The following NME7 variants were observed in gnomAD, a reference collection of about 807,000 sequenced individuals.
The protein encoded by NME7 is NME/NM23 family member 7, also known as nucleoside diphosphate kinase 7.
NME7 carries 41 observed loss-of-function variants against 49.1 expected under a neutral mutation model. The ratio of observed to expected loss-of-function variants is 0.83; its 90% CI spans 0.65 to 1.08. NME7 has a LOEUF of 1.08. NME7 is among the 50% of genes least tolerant of loss of function. NME7 has a pLI of 0.00. For missense variants in NME7, 423 were observed against 463.4 expected, an observed-to-expected ratio of 0.91 and a Z score of 0.80; for synonymous variants, 139 against 150.6, an observed-to-expected ratio of 0.92 and a Z score of 0.56.
At chr1:169,163,979 A>G (rs932438525) in intron 11 of NME7, among the ~76,000 whole-genome samples, 8 of 151,834 alleles carry the variant, frequency 5.3e-5, no homozygotes, top group Admixed American at 4.6e-4. Context: ...GCGTGGTGGC[A>G]TGCACCTGTA....
At chr1:169,285,247 C>T (rs73035376) in intron 7 of NME7, 1 of 151,888 alleles carries the variant, frequency 6.6e-6, no homozygotes, top group Non-Finnish European at 1.5e-5. Flanking sequence ...GCTACAACGA[C>T]CATTTCCTTT....
intron 1 of NME7, among the ~76,000 whole-genome samples, chr1:169,325,157 T>C (rs73034701): frequency 0.025 from 3,863 of 152,050 alleles, 139 homozygotes; most frequent in African/African-American, 0.086. Context: ...ATAAAAACAA[T>C]AGAAGTTTGA....
rs1369651086 is a variant in NME7 at position 169,266,144 on chromosome 1, GAC to G, written c.754+21157_754+21158del. ...CATCATCATCCTGATACCAAAATAT[GAC>G]AGAGACACAACAAAAAAAGAAAACT... On this transcript the variant is annotated intron_variant, in intron 7 of 11. Transcript: ENST00000367811. 2.3e-5 allele frequency among the ~76,000 whole-genome samples: 3 copies of G among 132,230 alleles called. 1 individual carries two copies. The highest frequency in any genetic ancestry group is 7.7e-5 in the African/African-American group (3 of 39,188). 86.7% of individuals were successfully genotyped at this position (132,230 alleles called of 152,430 possible). A position where few individuals can be genotyped will look rare whatever the true frequency, so the allele number is the denominator to read the frequency against.
intron 11 of NME7, among the ~76,000 whole-genome samples, chr1:169,161,116 T>C (rs976014160): frequency 1.3e-5 from 2 of 152,178 alleles, no homozygotes; most frequent in African/African-American, 4.8e-5. Flanking sequence ...AAACATTTAT[T>C]TGGATCCCTA....
intron 10 of NME7, among the ~76,000 whole-genome samples, chr1:169,219,957 C>T (rs1661092283): frequency 6.6e-6 from 1 of 152,152 alleles, no homozygotes; most frequent in Non-Finnish European, 1.5e-5. Context: ...GGAAGGAAGG[C>T]TAAGGAGACC....
chr1:169,243,476 T>C (rs1648176524), intron 7 of NME7, among the ~76,000 whole-genome samples: 2 of 152,204 alleles, frequency 1.3e-5, no homozygotes, highest in Admixed American at 1.3e-4. Flanking sequence ...AACGCTGCTA[T>C]GGACTGAATA....
At chr1:169,365,809 T>C (rs962773841) in intron 1 of NME7, among the ~76,000 whole-genome samples, 1 of 152,084 alleles carries the variant, frequency 6.6e-6, no homozygotes, top group African/African-American at 2.4e-5. Context: ...AATGAGGAGA[T>C]GACAAACTAA....
chr1:169,145,591 C>T (rs12095171), intron 11 of NME7, among the ~76,000 whole-genome samples: 17,100 of 152,118 alleles, frequency 0.11, 2,192 homozygotes, highest in East Asian at 0.73. Context: ...TAGCCTCTTT[C>T]CAGCCCCTAC....
At chr1:169,308,512 G>C (rs1415845163) in intron 4 of NME7, among the ~76,000 whole-genome samples, 1 of 152,164 alleles carries the variant, frequency 6.6e-6, no homozygotes, top group Non-Finnish European at 1.5e-5. Context: ...GCCAACCAGA[G>C]GGTGATCCCA....
At chr1:169,343,674 T>C (rs1054866951) in intron 1 of NME7, among the ~76,000 whole-genome samples, 1 of 152,076 alleles carries the variant, frequency 6.6e-6, no homozygotes, top group African/African-American at 2.4e-5. Flanking sequence ...TTTGTATTTT[T>C]ATAGCAGACA....
At chr1:169,189,288 A>G (rs1450913982) in intron 10 of NME7, among the ~76,000 whole-genome samples, 1 of 151,554 alleles carries the variant, frequency 6.6e-6, no homozygotes, top group Non-Finnish European at 1.5e-5. Flanking sequence ...AACTACAGAT[A>G]CTTTTTGTTA....
At chr1:169,307,794 T>C (rs915550982) in intron 4 of NME7, among the ~76,000 whole-genome samples, 4 of 151,652 alleles carry the variant, frequency 2.6e-5, no homozygotes, top group African/African-American at 9.7e-5. Flanking sequence ...CTGAGGCGGG[T>C]GAATCATTTG....
intron 6 of NME7, among the ~76,000 whole-genome samples, chr1:169,293,247 T>C (rs758093883): frequency 6.6e-6 from 1 of 150,560 alleles, no homozygotes; most frequent in African/African-American, 2.4e-5. Context: ...AGAGAACTAT[T>C]ATCACACCAA....
chr1:169,332,112 A>G (rs1438661611), intron 1 of NME7, among the ~76,000 whole-genome samples: 1 of 152,132 alleles, frequency 6.6e-6, no homozygotes, highest in Non-Finnish European at 1.5e-5. Flanking sequence ...GTACTGACAT[A>G]AAAACAGACA....
chr1:169,300,720 CTGGTACAAAAACAGACACATAG>C (rs1650902874), intron 5 of NME7, among the ~76,000 whole-genome samples: 2 of 152,088 alleles, frequency 1.3e-5, no homozygotes, highest in South Asian at 4.1e-4. Context: ...CATCATGGTA[CTGGTACAAAAACAGACACATAG>C]ATCACTGGAA....
At chr1:169,333,512 A>T (rs368458958) in intron 1 of NME7, among the ~76,000 whole-genome samples, 2 of 152,090 alleles carry the variant, frequency 1.3e-5, no homozygotes, top group Non-Finnish European at 2.9e-5. Flanking sequence ...GGATAAATGT[A>T]TCAAAAGGAT....
intron 11 of NME7, among the ~76,000 whole-genome samples, chr1:169,155,851 C>G (rs1267581597): frequency 6.6e-6 from 1 of 150,416 alleles, no homozygotes; most frequent in Non-Finnish European, 1.5e-5. Flanking sequence ...AACAACTTGA[C>G]TTAATGGAGA....
At chr1:169,287,783 T>C (rs1343317436) in intron 6 of NME7, among the ~76,000 whole-genome samples, 1 of 152,148 alleles carries the variant, frequency 6.6e-6, no homozygotes, top group African/African-American at 2.4e-5. Context: ...CATTAAAATA[T>C]GTAAAATAAA....
At chr1:169,303,883 A>T (rs1651072205) in intron 4 of NME7, among the ~76,000 whole-genome samples, 1 of 152,220 alleles carries the variant, frequency 6.6e-6, no homozygotes, top group East Asian at 1.9e-4. Flanking sequence ...CTAATTAAAA[A>T]TTTGTCATTT....
Sources: gnomAD v4.1 joint callset for allele counts (sites outside exome capture counted in the v4.1 genomes callset) on GRCh38, gnomAD v4.1.1 for gene constraint, MANE v1.5 for transcripts, NCBI Gene and HGNC (gene_info 2026-07-23, HGNC 2026-07-21) for gene names.